The following PADI6 variants were observed in gnomAD, a reference collection of about 807,000 sequenced individuals.
PADI6 encodes inactive protein-arginine deiminase type-6.
A neutral mutation model predicts 78.2 loss-of-function variants in PADI6; 66 were observed. The observed-to-expected ratio is 0.84, with a 90% confidence interval of 0.69 to 1.04. PADI6 has a LOEUF of 1.04. Ranked by LOEUF, PADI6 falls within the 50% of genes least tolerant of loss-of-function variation. PADI6 has a pLI of 0.00. For missense variants in PADI6, 854 were observed against 866.1 expected (o/e 0.99, Z 0.18); for synonymous variants, 397 against 346.9 (o/e 1.14, Z -1.60).
Position 17,394,474 on chromosome 1 carries a change from G to T in PADI6, c.1337+20G>T. Reference sequence around the variant, plus strand: ...CCCCAGGTGAGCCACAAAGCCAGACGCCTCCAAATGAAAGGAAGGGACCAT... The same window carrying T: ...CCCCAGGTGAGCCACAAAGCCAGACTCCTCCAAATGAAAGGAAGGGACCAT... On this transcript the variant is annotated intron_variant, in intron 11 of 15. Coordinates refer to ENST00000619609, the MANE Select transcript of PADI6 (RefSeq NM_207421.4). 1.2e-6 allele frequency: 2 copies of T among 1,607,566 alleles called. No individual in the cohort carries two copies. The highest frequency in any genetic ancestry group is 1.7e-6 in the Non-Finnish European group (2 of 1,176,108).
At chr1:17,375,310 C>A (rs1453943817) in intron 2 of PADI6, 117 bp from the exon 3 acceptor site, 1 of 925,078 alleles carries the variant, frequency 1.1e-6, no homozygotes, top group Non-Finnish European at 1.7e-6. Context: ...GGTGAGACTT[C>A]AGAAGCCATA....
chr1:17,384,412 A>G (rs967489516), intron 6 of PADI6, among the ~76,000 whole-genome samples: 2 of 152,148 alleles, frequency 1.3e-5, no homozygotes, highest in African/African-American at 2.4e-5. Context: ...TTGGCAACAC[A>G]GTGAGACCTT....
intron 3 of PADI6, among the ~76,000 whole-genome samples, chr1:17,379,137 C>A (rs533018129): frequency 4.0e-5 from 3 of 74,862 alleles, no homozygotes; most frequent in Non-Finnish European, 4.8e-5. Flanking sequence ...TTTTTTAAGA[C>A]GGAGTCTCGC....
At chr1:17,396,529 T>C (rs1185228729) in intron 13 of PADI6, among the ~76,000 whole-genome samples, 1 of 152,150 alleles carries the variant, frequency 6.6e-6, no homozygotes, top group Admixed American at 6.5e-5. Context: ...GCTCCACACC[T>C]CCTGGATACT....
intron 13 of PADI6, 57 bp from the exon 14 acceptor site, chr1:17,397,014 T>C: frequency 6.4e-7 from 1 of 1,551,840 alleles, no homozygotes; most frequent in Non-Finnish European, 8.9e-7. Context: ...TGTGCCCAGC[T>C]CTGGGCAGTG....
At position 17,382,007 on chromosome 1, in the gene PADI6, C is replaced by T. The variant is rs751753335; in HGVS notation, c.594C>T (p.Gly198=). ...CCCAGATGACTCTGAATGTCCAAGG[C>T]CCCAGCTGTATCTTAAAGAAATATC... The part of the protein sequence containing the change: ...NLSQMTLNVQ[G]PSCILKKYRL... The change falls in exon 6 of 16, where the codon GGC becomes GGT. Residue 198 remains glycine (G), a synonymous_variant. Transcript: ENST00000619609. The T allele has an allele frequency of 1.9e-6, 3 of 1,613,914 alleles. No individual in the cohort carries two copies. Among genetic ancestry groups the T allele is most frequent in the South Asian group, 2.2e-5 (2 of 91,084 alleles).
chr1:17,383,283 C>A (rs369806762), intron 6 of PADI6, among the ~76,000 whole-genome samples: 1 of 152,192 alleles, frequency 6.6e-6, no homozygotes, highest in East Asian at 1.9e-4. Context: ...CCATAGATCT[C>A]AGCTGGATTT....
chr1:17,376,492 TTTTTTTTATTTTTAGTGGGCTAA>T (rs1474590619), intron 3 of PADI6, among the ~76,000 whole-genome samples: 42 of 136,492 alleles, frequency 3.1e-4, no homozygotes, highest in African/African-American at 1.1e-3. Flanking sequence ...AGTGGGCTAA[TTTTTTTTATTTTTAGTGGGCTAA>T]TTTTTTTTAT....
Position 17,392,154 on chromosome 1 carries a change from CTGAG to C in PADI6, c.1008_1011del (p.Ser336ArgfsTer39). 6.4e-7 allele frequency: 1 copy of C among 1,561,876 alleles called. No individual in the cohort carries two copies. The highest frequency in any genetic ancestry group is 8.7e-7 in the Non-Finnish European group (1 of 1,152,944). ...GGGTTTTGTGGACACAGTGACGAAG[CTGAG>C]TGAGAAGAGCAACAGCCAGGTGGCA... On this transcript the variant is annotated frameshift_variant, in exon 9 of 16. Coordinates refer to ENST00000619609, the MANE Select transcript of PADI6 (RefSeq NM_207421.4). LOFTEE classifies it high-confidence loss of function.
At chr1:17,387,191 C>T (rs1308328987) in intron 6 of PADI6, among the ~76,000 whole-genome samples, 1 of 152,128 alleles carries the variant, frequency 6.6e-6, no homozygotes. Flanking sequence ...CGACTGTAAT[C>T]CTAGCACTTT....
At chr1:17,385,870 G>A (rs989061200) in intron 6 of PADI6, among the ~76,000 whole-genome samples, 1 of 152,208 alleles carries the variant, frequency 6.6e-6, no homozygotes, top group African/African-American at 2.4e-5. Context: ...CTTCCTGTAA[G>A]TCCAGCAGTA....
chr1:17,393,286 A>G (rs892890033), intron 9 of PADI6, among the ~76,000 whole-genome samples: 5 of 152,218 alleles, frequency 3.3e-5, no homozygotes, highest in African/African-American at 1.2e-4. Flanking sequence ...GAGACACTCA[A>G]AGCATGAATC....
At chr1:17,375,575 A>ATCTTTTTT in intron 3 of PADI6, 76 bp downstream of exon 3, 1 of 1,338,252 alleles carries the variant, frequency 7.5e-7, no homozygotes, top group Non-Finnish European at 1.0e-6. Flanking sequence ...TTGTAGGAGG[A>ATCTTTTTT]GCCAAAAAAG....
At chr1:17,395,751 G>A (rs1033916044) in intron 13 of PADI6, 88 bp downstream of exon 13, 25 of 1,457,756 alleles carry the variant, frequency 1.7e-5, no homozygotes, top group Admixed American at 9.0e-5. Flanking sequence ...CACGCTTGGC[G>A]TAAAGGATGC....
rs548655558 is a variant in PADI6 at position 17,388,485 on chromosome 1, A to G, written c.784A>G (p.Ile262Val). The G allele has an allele frequency of 6.2e-7, 1 of 1,613,708 alleles. No individual in the cohort carries two copies. The highest frequency in any genetic ancestry group is 8.5e-7 in the Non-Finnish European group (1 of 1,179,700). ...HLKETFYVEA[I>V]AFPSAEFSGL... ...GAAGGAGACTTTCTACGTTGAAGCT[A>G]TAGCATTCCCATCTGCCGAATTCTC... Residue 262 changes from isoleucine (I) to valine (V), a missense_variant, in exon 7 of 16, where the codon ATA (isoleucine) becomes GTA (valine). Ile to Val is a conservative substitution (Grantham distance 29, BLOSUM62 3). Coordinates refer to ENST00000619609, the MANE Select transcript of PADI6 (RefSeq NM_207421.4).
At chr1:17,383,143 T>G (rs1190335971) in intron 6 of PADI6, among the ~76,000 whole-genome samples, 1 of 152,238 alleles carries the variant, frequency 6.6e-6, no homozygotes, top group East Asian at 1.9e-4. Flanking sequence ...CAGGGAGCTC[T>G]GTGGTCTATA....
In PADI6 at chr1:17,395,524, A is replaced by C. The variant is rs2100322707; in HGVS notation, c.1495-16A>C. ...AGCTGAGAAAGCTGGCTTCTGACCC[A>C]AGTTCTGTTTCCCAGGGCTTCCTGC... is the stretch of plus-strand genomic sequence containing the variant. On this transcript the variant is annotated splice_polypyrimidine_tract_variant and intron_variant, in intron 12 of 15. Transcript: ENST00000619609. The C allele has an allele frequency of 6.5e-7, 1 of 1,549,716 alleles. No individual in the cohort carries two copies. Among genetic ancestry groups the C allele is most frequent in the Non-Finnish European group, 8.7e-7 (1 of 1,146,086 alleles).
At chr1:17,380,384 T>TA (rs1485439719) in intron 4 of PADI6, among the ~76,000 whole-genome samples, 1 of 152,108 alleles carries the variant, frequency 6.6e-6, no homozygotes, top group Non-Finnish European at 1.5e-5. Flanking sequence ...TAATTTTTTT[T>TA]TGAGACGGAG....
intron 3 of PADI6, among the ~76,000 whole-genome samples, chr1:17,378,977 C>G (rs553752276): frequency 1.3e-4 from 19 of 151,138 alleles, no homozygotes; most frequent in African/African-American, 3.9e-4. Flanking sequence ...CAGAATCTTG[C>G]TCTGTCACCC....
Sources: allele counts gnomAD v4.1 joint callset (sites outside exome capture counted in the v4.1 genomes callset), GRCh38; gene constraint gnomAD v4.1.1; transcripts MANE v1.5; gene names NCBI Gene and HGNC (gene_info 2026-07-23, HGNC 2026-07-21).